Variants in TSPAN4 observed in about 807,000 individuals in gnomAD.
The protein encoded by TSPAN4 is tetraspanin-4.
A neutral mutation model predicts 31.5 loss-of-function variants in TSPAN4; 38 were observed. That is an observed-to-expected ratio of 1.21 (90% CI 0.93 to 1.58). The LOEUF (loss-of-function observed/expected upper bound fraction) is 1.58, where lower values mean the gene tolerates loss of function less well. Ranked by LOEUF, TSPAN4 falls within the 40% of genes most tolerant of loss-of-function variation. The probability of loss-of-function intolerance (pLI) is 0.00; values close to 1 mark genes in which losing one functional copy is unlikely to be tolerated. For missense variants in TSPAN4, 330 were observed against 317.3 expected (o/e 1.04, Z -0.30); for synonymous variants, 186 against 144.6 (o/e 1.29, Z -2.06).
At chr11:847,878 G>A (rs1169475141) in intron 2 of TSPAN4, among the ~76,000 whole-genome samples, 1 of 152,172 alleles carries the variant, frequency 6.6e-6, no homozygotes, top group African/African-American at 2.4e-5. Context: ...CCCAGCCACA[G>A]AGGGACGCAG....
At chr11:845,183 C>T (rs1847241493) in intron 1 of TSPAN4, among the ~76,000 whole-genome samples, 1 of 152,198 alleles carries the variant, frequency 6.6e-6, no homozygotes, top group Admixed American at 6.5e-5. Context: ...TGCTCTCTGG[C>T]CCTGTCCATG....
At chr11:851,669 G>A (rs979462793) in intron 3 of TSPAN4, among the ~76,000 whole-genome samples, 3 of 152,070 alleles carry the variant, frequency 2.0e-5, no homozygotes, top group Non-Finnish European at 1.5e-5. Context: ...GGCCTGAGGG[G>A]CGCCTTGGAG....
In TSPAN4 at chr11:865,757, C is replaced by G. The variant is rs1848746007; in HGVS notation, c.496C>G (p.Pro166Ala). Reference sequence around the variant, plus strand: ...CGAGGTGTACAACGCCACGCGGGTACCTGACTCCTGCTGCTTGGAGTTCAG... The same window carrying G: ...CGAGGTGTACAACGCCACGCGGGTAGCTGACTCCTGCTGCTTGGAGTTCAG... ...WFEVYNATRV[P>A]DSCCLEFSES... Residue 166 changes from proline (P) to alanine (A), a missense_variant, in exon 7 of 9, where the codon CCT (proline) becomes GCT (alanine). Coordinates refer to ENST00000397397, the MANE Select transcript of TSPAN4 (RefSeq NM_003271.5). 1 of 1,613,020 alleles carries G rather than the reference C, an allele frequency of 6.2e-7. No individual in the cohort carries two copies. The highest frequency in any genetic ancestry group is 8.5e-7 in the Non-Finnish European group (1 of 1,179,876).
At position 848,959 on chromosome 11, in the gene TSPAN4, G is replaced by A. The variant is rs1163399820; in HGVS notation, c.-17-1329G>A. The A allele has an allele frequency of 1.5e-6, 1 of 687,074 alleles. No homozygotes were observed. Among genetic ancestry groups the A allele is most frequent in the Admixed American group, 2.3e-5 (1 of 44,186 alleles). The allele number at this position is 687,074 out of a possible 1,614,324, so 42.6% of individuals were successfully genotyped here. On this transcript the variant is annotated intron_variant, in intron 2 of 8. Coordinates refer to ENST00000397397, the MANE Select transcript of TSPAN4 (RefSeq NM_003271.5). This position sits in a 1 kb window ranked among gnomAD's most constrained non-coding sequence, Gnocchi z 5.7. ...GTATGTCTGTACCTGTCAAGGGGTG[G>A]GGTGGGGTCTTTTACAGGCTGACTT...
rs779223121 is a variant in TSPAN4 at position 865,615 on chromosome 11, G to GT, written c.432+2dup. The GT allele has an allele frequency of 6.2e-7, 1 of 1,612,864 alleles. No individual in the cohort carries two copies. The highest frequency in any genetic ancestry group is 2.2e-5 in the East Asian group (1 of 44,862). On this transcript the variant is annotated splice_donor_variant, in intron 6 of 8. Transcript: ENST00000397397. LOFTEE classifies it high-confidence loss of function. ...CGCCTGGAGCATCATCCAGACCGAC[G>GT]TGAGGCGTGGGCAGGTGGGCGGGGT...
chr11:861,181 A>C (rs1000977106), intron 3 of TSPAN4, among the ~76,000 whole-genome samples: 2 of 152,012 alleles, frequency 1.3e-5, no homozygotes, highest in Non-Finnish European at 2.9e-5. Flanking sequence ...GTTTTAATTG[A>C]TTTTTATAAG....
chr11:847,655 AG>A (rs1247936570), intron 2 of TSPAN4, among the ~76,000 whole-genome samples: 1 of 114,304 alleles, frequency 8.7e-6, no homozygotes, highest in East Asian at 3.1e-4. Flanking sequence ...TGGCCTTGTG[AG>A]GTTTTTGATT....
intron 4 of TSPAN4, chr11:863,081 T>C (rs1406656521): frequency 5.2e-6 from 1 of 193,670 alleles, no homozygotes; most frequent in Non-Finnish European, 1.0e-5. Flanking sequence ...GGGCTTGCGG[T>C]CTCCGTGACT....
chr11:859,156 G>T (rs1185665595), intron 3 of TSPAN4, among the ~76,000 whole-genome samples: 2 of 113,312 alleles, frequency 1.8e-5, no homozygotes, highest in African/African-American at 3.5e-5. Context: ...ATGCACCCCG[G>T]CTCACACGCA....
chr11:860,064 C>T (rs778555184), intron 3 of TSPAN4, among the ~76,000 whole-genome samples: 1 of 152,234 alleles, frequency 6.6e-6, no homozygotes, highest in Admixed American at 6.5e-5. Context: ...GAGCCAATGG[C>T]TCAGCAGAGC....
At chr11:863,795 CCCT>C (rs1456567806) in intron 4 of TSPAN4, 1 of 155,344 alleles carries the variant, frequency 6.4e-6, no homozygotes, top group African/African-American at 2.4e-5. Flanking sequence ...TCCATGCCTG[CCCT>C]CCTCTTTTGT....
intron 1 of TSPAN4, among the ~76,000 whole-genome samples, chr11:845,477 T>A (rs907810348): frequency 3.3e-5 from 5 of 152,108 alleles, no homozygotes; most frequent in Non-Finnish European, 7.4e-5. Flanking sequence ...GCCTCACCAC[T>A]CATATGTCGG....
chr11:856,135 G>A (rs2134021827), intron 3 of TSPAN4, among the ~76,000 whole-genome samples: 1 of 152,258 alleles, frequency 6.6e-6, no homozygotes, highest in East Asian at 1.9e-4. Flanking sequence ...AGAATGCATG[G>A]GCCTCAGCAG....
intron 1 of TSPAN4, among the ~76,000 whole-genome samples, chr11:846,114 T>G (rs1379608292): frequency 6.6e-6 from 1 of 152,128 alleles, no homozygotes; most frequent in East Asian, 1.9e-4. Flanking sequence ...GGCCAGGGTG[T>G]GTGGGCTTGG....
At chr11:864,065 G>T in intron 4 of TSPAN4, 1 of 294,564 alleles carries the variant, frequency 3.4e-6, no homozygotes, top group East Asian at 6.7e-5. Flanking sequence ...GCACCTGCCA[G>T]ACACTCAGAG....
At chr11:854,632 G>A (rs1291337727) in intron 3 of TSPAN4, among the ~76,000 whole-genome samples, 1 of 152,218 alleles carries the variant, frequency 6.6e-6, no homozygotes, top group Non-Finnish European at 1.5e-5. Flanking sequence ...TGGAGGTGTG[G>A]GGGCCCCTCA....
intron 3 of TSPAN4, among the ~76,000 whole-genome samples, chr11:860,549 G>C (rs984703859): frequency 6.6e-6 from 1 of 152,212 alleles, no homozygotes; most frequent in South Asian, 2.1e-4. Flanking sequence ...CGTGGGCCCT[G>C]CCAGGGTGGA....
chr11:847,634 C>T (rs1003705574), intron 2 of TSPAN4, among the ~76,000 whole-genome samples: 1 of 150,952 alleles, frequency 6.6e-6, no homozygotes, highest in African/African-American at 2.4e-5. Flanking sequence ...CCCGCTCCTC[C>T]TGACCCTCGG....
At chr11:862,400 C>T (rs1456882788) in intron 3 of TSPAN4, 150 bp from the exon 4 acceptor site, 3 of 680,026 alleles carry the variant, frequency 4.4e-6, no homozygotes, top group Admixed American at 3.1e-5. Context: ...CCCCCCCGGG[C>T]TGCCGTGGGA....
Sources: gnomAD v4.1 joint callset for allele counts (sites outside exome capture counted in the v4.1 genomes callset) on GRCh38, gnomAD v4.1.1 for gene constraint, Gnocchi (gnomAD v3.1) non-coding constraint, MANE v1.5 for transcripts, NCBI Gene and HGNC (gene_info 2026-07-23, HGNC 2026-07-21) for gene names.